Variants in SIPA1L3 observed in about 807,000 individuals in gnomAD.
The protein encoded by SIPA1L3 is signal-induced proliferation-associated 1-like protein 3.
Under a neutral mutation model 150.1 loss-of-function variants are expected in SIPA1L3, and 59 were observed. The observed-to-expected ratio is 0.39, with a 90% confidence interval of 0.32 to 0.49. SIPA1L3 has a LOEUF of 0.49. Ranked by LOEUF, SIPA1L3 falls within the 20% of genes least tolerant of loss-of-function variation. The pLI is 0.86. For synonymous variants in SIPA1L3, 1,070 were observed against 1,077.6 expected (o/e 0.99, Z 0.14); for missense variants, 2,211 against 2,489.5 (o/e 0.89, Z 2.38).
chr19:38,091,416 A>G (rs1394482602), intron 4 of SIPA1L3, among the ~76,000 whole-genome samples: 1 of 152,158 alleles, frequency 6.6e-6, no homozygotes, highest in Non-Finnish European at 1.5e-5. Context: ...ATGTATATAT[A>G]AAATATTTAT....
chr19:38,177,490 T>A (rs1427164957), intron 15 of SIPA1L3, among the ~76,000 whole-genome samples: 2 of 151,992 alleles, frequency 1.3e-5, no homozygotes, highest in East Asian at 3.9e-4. Context: ...CTGGGCAATT[T>A]AGTGAGACCC....
chr19:38,033,414 T>C (rs1245158626), intron 2 of SIPA1L3, among the ~76,000 whole-genome samples: 1 of 152,136 alleles, frequency 6.6e-6, no homozygotes, highest in Non-Finnish European at 1.5e-5. Flanking sequence ...GAGGGCTGGG[T>C]GCAGTGGCTC....
Position 38,076,172 on chromosome 19 carries a change from C to G in SIPA1L3, c.-310-5084C>G, listed in dbSNP as rs1025870120. Among the ~76,000 whole-genome samples, 5 of 151,726 alleles carry G rather than the reference C, an allele frequency of 3.3e-5. 1 individual carries two copies. The highest frequency in any genetic ancestry group is 1.2e-4 in the African/African-American group (5 of 41,340). ...AATAATAATAATAAATAAGTAAATA[C>G]ATAAATAAATAAAAATAAAATGTTA... On this transcript the variant is annotated intron_variant, in intron 2 of 21. Coordinates refer to ENST00000222345, the MANE Select transcript of SIPA1L3 (RefSeq NM_015073.3).
intron 4 of SIPA1L3, among the ~76,000 whole-genome samples, chr19:38,089,491 G>A (rs1349911579): frequency 6.6e-6 from 1 of 152,106 alleles, no homozygotes; most frequent in East Asian, 1.9e-4. Flanking sequence ...GAAATAAAAG[G>A]GAAGGTAAGG....
chr19:38,184,859 A>G (rs1360676307), intron 16 of SIPA1L3: 1 of 152,144 alleles, frequency 6.6e-6, no homozygotes, highest in African/African-American at 2.4e-5. Flanking sequence ...GCAGGCTCAC[A>G]TTGACTACAC....
At chr19:38,036,974 G>A (rs1051823848) in intron 2 of SIPA1L3, among the ~76,000 whole-genome samples, 3 of 152,216 alleles carry the variant, frequency 2.0e-5, no homozygotes, top group South Asian at 2.1e-4. Flanking sequence ...CTGTCACACG[G>A]TCCTGCCTAA....
chr19:37,992,552 G>A (rs149805191), intron 1 of SIPA1L3, among the ~76,000 whole-genome samples: 3 of 152,144 alleles, frequency 2.0e-5, no homozygotes, highest in African/African-American at 4.8e-5. Context: ...ATGGGAGGCT[G>A]AGGCACGAGA....
chr19:38,008,244 T>C (rs1435382814), intron 1 of SIPA1L3, among the ~76,000 whole-genome samples: 1 of 145,814 alleles, frequency 6.9e-6, no homozygotes. Context: ...TTTTTTTTTT[T>C]TGAGATGGAG....
intron 1 of SIPA1L3, among the ~76,000 whole-genome samples, chr19:37,977,749 C>T (rs1213276166): frequency 6.6e-6 from 1 of 152,200 alleles, no homozygotes; most frequent in East Asian, 1.9e-4. Flanking sequence ...GGTTACTTCC[C>T]TGCTTTGTGC....
At chr19:38,158,790 A>T (rs1472876257) in intron 13 of SIPA1L3, among the ~76,000 whole-genome samples, 1 of 152,194 alleles carries the variant, frequency 6.6e-6, no homozygotes, top group Non-Finnish European at 1.5e-5. Context: ...GAGCAGGAAA[A>T]CTGTGGGAGA....
chr19:38,152,767 C>G, intron 12 of SIPA1L3, 73 bp from the exon 13 acceptor site: 1 of 1,500,718 alleles, frequency 6.7e-7, no homozygotes, highest in Non-Finnish European at 9.0e-7. Flanking sequence ...GAGCAAGGCT[C>G]AGGCTCAGGC....
chr19:38,141,138 G>A (rs772719241), intron 10 of SIPA1L3, 46 bp from the exon 11 acceptor site: 6 of 1,520,634 alleles, frequency 3.9e-6, no homozygotes, highest in Non-Finnish European at 5.3e-6. Context: ...AGGCCCACGT[G>A]TTGGTGGGCT....
At chr19:38,110,495 A>C in intron 8 of SIPA1L3, 111 bp downstream of exon 8, 1 of 848,964 alleles carries the variant, frequency 1.2e-6, no homozygotes, top group Non-Finnish European at 1.8e-6. Context: ...GCTTCAGGAG[A>C]AGAGCTCGGC....
chr19:37,977,059 A>G (rs1189129845), intron 1 of SIPA1L3, among the ~76,000 whole-genome samples: 1 of 150,624 alleles, frequency 6.6e-6, no homozygotes, highest in Non-Finnish European at 1.5e-5. Context: ...CTGGTCTTGA[A>G]CTCCTGGGCT....
In SIPA1L3 at chr19:38,031,591, T is replaced by TG. The variant is rs556947501; in HGVS notation, c.-311+2440dup. Among the ~76,000 whole-genome samples, 857 of 152,340 alleles carry TG rather than the reference T, an allele frequency of 5.6e-3. 9 individuals are homozygous for TG. The highest frequency in any genetic ancestry group is 0.031 in the South Asian group (150 of 4,832). On this transcript the variant is annotated intron_variant, in intron 2 of 21. Transcript: ENST00000222345. ...GCATGCCCTTCTCAGTGCGTCATTG[T>TG]GGGGGTCTGTGACATCAATGCATCA...
intron 16 of SIPA1L3, 95 bp downstream of exon 16, chr19:38,182,835 AGAC>A: frequency 2.1e-6 from 2 of 948,664 alleles, no homozygotes; most frequent in East Asian, 2.6e-5. Context: ...GTCATTGCAC[AGAC>A]GACTGTGGGC....
chr19:37,966,289 G>T (rs2046903455), intron 1 of SIPA1L3, among the ~76,000 whole-genome samples: 1 of 152,170 alleles, frequency 6.6e-6, no homozygotes, highest in South Asian at 2.1e-4. Flanking sequence ...GTGGCCTCGG[G>T]CACCTGCCAG....
Position 38,081,531 on chromosome 19 carries a change from G to A in SIPA1L3, c.-35G>A, listed in dbSNP as rs765110482. 1.3e-5 allele frequency: 20 copies of A among 1,537,090 alleles called. No individual in the cohort carries two copies. Among genetic ancestry groups the A allele is most frequent in the East Asian group, 4.5e-5 (2 of 44,026 alleles). ...GGACCCCATAGAGTGACACCACAGCGTACGGGGCCAGCAGCACTCCAGTGC... is the reference window on the plus strand; with the variant it reads ...GGACCCCATAGAGTGACACCACAGCATACGGGGCCAGCAGCACTCCAGTGC... On this transcript the variant is annotated 5_prime_UTR_variant, in exon 3 of 22. Transcript: ENST00000222345.
At chr19:37,999,948 C>T (rs1307716453) in intron 1 of SIPA1L3, among the ~76,000 whole-genome samples, 1 of 152,150 alleles carries the variant, frequency 6.6e-6, no homozygotes, top group African/African-American at 2.4e-5. Context: ...ATCCCACCAC[C>T]CCCACTAACA....
Sources: gnomAD v4.1 joint callset for allele counts (sites outside exome capture counted in the v4.1 genomes callset) on GRCh38, gnomAD v4.1.1 for gene constraint, MANE v1.5 for transcripts, NCBI Gene and HGNC (gene_info 2026-07-23, HGNC 2026-07-21) for gene names.